The following VPS13B variants were observed in gnomAD, a reference collection of about 807,000 sequenced individuals.
VPS13B encodes the protein vacuolar protein sorting 13 homolog B.
Under a neutral mutation model 426.4 loss-of-function variants are expected in VPS13B, and 285 were observed. That is an observed-to-expected ratio of 0.67 (90% CI 0.61 to 0.74). The LOEUF is 0.74. VPS13B is among the 30% of genes least tolerant of loss of function. The pLI, the probability that VPS13B is intolerant of heterozygous loss-of-function variation, is 0.00. For missense variants in VPS13B, 4,537 were observed against 4,782.6 expected (o/e 0.95, Z 1.51); for synonymous variants, 1,676 against 1,676.4 (o/e 1.00, Z 0.01).
chr8:99,095,101 C>G (rs182967193), intron 3 of VPS13B, among the ~76,000 whole-genome samples: 1 of 152,300 alleles, frequency 6.6e-6, no homozygotes, highest in African/African-American at 2.4e-5. Context: ...ACTTCTCATT[C>G]ACTCTGAGCT....
rs569597316 is a variant in VPS13B, at chr8:99,317,359, T to A, written c.2824+42105T>A. On this transcript the variant is annotated intron_variant, in intron 19 of 61. Coordinates refer to ENST00000357162, the MANE Select transcript of VPS13B (RefSeq NM_152564.5). Reference sequence around the variant, plus strand: ...GCATATCCATCACCTCAAACACTTGTCATTTCTTTGTGATGACAACATTGA... The same window carrying A: ...GCATATCCATCACCTCAAACACTTGACATTTCTTTGTGATGACAACATTGA... Among the ~76,000 whole-genome samples the A allele has an allele frequency of 6.6e-5, 10 of 152,326 alleles. No homozygotes were observed. In the South Asian group the frequency reaches 2.1e-3, roughly 32 times the overall value.
chr8:99,148,223 G>A (rs1325642573), intron 14 of VPS13B, among the ~76,000 whole-genome samples: 1 of 151,718 alleles, frequency 6.6e-6, no homozygotes, highest in East Asian at 1.9e-4. Context: ...AAAAAATTTG[G>A]CACGGTGGCA....
chr8:99,372,862 C>T (rs1022234577), intron 19 of VPS13B, among the ~76,000 whole-genome samples: 3 of 152,172 alleles, frequency 2.0e-5, no homozygotes, highest in Non-Finnish European at 4.4e-5. Flanking sequence ...GACACATGCA[C>T]ACATATGTTT....
chr8:99,079,322 G>T (rs552687114), intron 3 of VPS13B, among the ~76,000 whole-genome samples: 31 of 152,114 alleles, frequency 2.0e-4, no homozygotes, highest in South Asian at 4.2e-4. Flanking sequence ...CAGCAGGTTG[G>T]GGCAGATCAA....
At chr8:99,513,077 C>A in intron 29 of VPS13B, among the ~76,000 whole-genome samples, 1 of 148,114 alleles carries the variant, frequency 6.8e-6, no homozygotes, top group Non-Finnish European at 1.5e-5. Context: ...AATAAAATTA[C>A]AGAAGTTTTA....
intron 27 of VPS13B, among the ~76,000 whole-genome samples, chr8:99,505,400 T>C (rs1390085171): frequency 2.0e-5 from 3 of 152,200 alleles, no homozygotes; most frequent in Non-Finnish European, 4.4e-5. Context: ...TTGCAACTCT[T>C]CTTTCACTGG....
intron 3 of VPS13B, among the ~76,000 whole-genome samples, chr8:99,043,349 TCA>T (rs1295613013): frequency 6.6e-6 from 1 of 152,158 alleles, no homozygotes; most frequent in Non-Finnish European, 1.5e-5. Context: ...CTATTAATAA[TCA>T]GTCTCTATTA....
chr8:99,525,945 A>C (rs1313978739), intron 30 of VPS13B, among the ~76,000 whole-genome samples: 6 of 152,186 alleles, frequency 3.9e-5, no homozygotes, highest in Non-Finnish European at 8.8e-5. Flanking sequence ...GGCTGTGAGG[A>C]AAACGACATT....
At chr8:99,169,821 C>T (rs1812223003) in intron 15 of VPS13B, among the ~76,000 whole-genome samples, 2 of 151,916 alleles carry the variant, frequency 1.3e-5, no homozygotes, top group Non-Finnish European at 2.9e-5. Flanking sequence ...AGTGATCTTT[C>T]AGGGATGTGA....
intron 2 of VPS13B, among the ~76,000 whole-genome samples, chr8:99,023,815 A>G (rs906070183): frequency 6.6e-4 from 101 of 152,172 alleles, no homozygotes; most frequent in East Asian, 1.2e-3. Context: ...TCCTTTGTAG[A>G]TGGATAGTTA....
intron 19 of VPS13B, among the ~76,000 whole-genome samples, chr8:99,314,013 G>C (rs968561200): frequency 6.6e-6 from 1 of 152,138 alleles, no homozygotes; most frequent in African/African-American, 2.4e-5. Flanking sequence ...TAAGACCGTT[G>C]GAAAAGTGTA....
intron 37 of VPS13B, among the ~76,000 whole-genome samples, chr8:99,720,049 C>G (rs1422787727): frequency 6.6e-6 from 1 of 152,068 alleles, no homozygotes; most frequent in African/African-American, 2.4e-5. Flanking sequence ...GTTCTTTTCC[C>G]TCTTAGCTAA....
rs1337689284 is a variant in VPS13B, at chr8:99,385,589, A to G, written c.2934+1272A>G. Among the ~76,000 whole-genome samples, 7 of 152,330 alleles carry G rather than the reference A, an allele frequency of 4.6e-5. No individual in the cohort carries two copies. The East Asian group carries it at 1.3e-3, about 29-fold the overall frequency. ...GTATGCTGTACACCATGGCCACAGA[A>G]ATAAAAGTCATAGGTGAGAATATCC... is the stretch of plus-strand genomic sequence containing the variant. On this transcript the variant is annotated intron_variant, in intron 20 of 61. Coordinates refer to ENST00000357162, the MANE Select transcript of VPS13B (RefSeq NM_152564.5).
chr8:99,016,305 C>G (rs974264534), intron 2 of VPS13B, among the ~76,000 whole-genome samples: 47 of 152,226 alleles, frequency 3.1e-4, no homozygotes, highest in African/African-American at 1.1e-3. Flanking sequence ...AATAGTCTTC[C>G]AAAGTGGTTA....
intron 39 of VPS13B, among the ~76,000 whole-genome samples, chr8:99,739,964 T>G (rs1030888523): frequency 6.6e-6 from 1 of 152,154 alleles, no homozygotes; most frequent in African/African-American, 2.4e-5. Context: ...AGAACAAAGC[T>G]AGATGGAGAA....
intron 6 of VPS13B, among the ~76,000 whole-genome samples, chr8:99,114,612 CT>C (rs1847556156): frequency 6.6e-6 from 1 of 152,222 alleles, no homozygotes; most frequent in Non-Finnish European, 1.5e-5. Flanking sequence ...ACCTCCCACA[CT>C]CATTCCCCGC....
chr8:99,843,331 C>T (rs539000582), intron 54 of VPS13B, among the ~76,000 whole-genome samples: 3 of 152,106 alleles, frequency 2.0e-5, no homozygotes, highest in Admixed American at 6.6e-5. Flanking sequence ...CAGGACTGGC[C>T]GGGTTATTCT....
Position 99,014,723 on chromosome 8 carries a change from A to G in VPS13B, c.147+788A>G, listed in dbSNP as rs558471711. Among the ~76,000 whole-genome samples the G allele has an allele frequency of 9.3e-5, 14 of 151,282 alleles. 1 individual carries two copies. In the South Asian group the frequency reaches 2.9e-3, roughly 32 times the overall value. Reference sequence around the variant, plus strand: ...AAAAAAAAAAAAAGAGCAGATTCAGATCATGAGGAAAGATGACATTTCCCA... The same window carrying G: ...AAAAAAAAAAAAAGAGCAGATTCAGGTCATGAGGAAAGATGACATTTCCCA... On this transcript the variant is annotated intron_variant, in intron 2 of 61. Coordinates refer to ENST00000357162, the MANE Select transcript of VPS13B (RefSeq NM_152564.5).
chr8:99,155,069 C>CAT (rs1811286363), intron 14 of VPS13B, among the ~76,000 whole-genome samples: 1 of 151,312 alleles, frequency 6.6e-6, no homozygotes, highest in Non-Finnish European at 1.5e-5. Flanking sequence ...AGACCTCAAT[C>CAT]CATTAAAAAA....
Sources: gnomAD v4.1 joint callset for allele counts (sites outside exome capture counted in the v4.1 genomes callset) on GRCh38, gnomAD v4.1.1 for gene constraint, MANE v1.5 for transcripts, NCBI Gene and HGNC (gene_info 2026-07-23, HGNC 2026-07-21) for gene names.